The following PET117 variants were observed in gnomAD, a reference collection of about 807,000 sequenced individuals.
PET117 encodes the protein PET117 cytochrome c oxidase chaperone, also known as protein PET117 homolog, mitochondrial.
PET117 carries 10 observed loss-of-function variants against 9.2 expected under a neutral mutation model. The observed-to-expected ratio is 1.09, with a 90% CI of 0.67 to 1.85. The LOEUF (loss-of-function observed/expected upper bound fraction) is 1.85. Ranked by LOEUF, PET117 falls within the 40% of genes most tolerant of loss-of-function variation. PET117 has a pLI of 0.00. For missense variants in PET117, 96 were observed against 98.2 expected, an observed-to-expected ratio of 0.98 and a Z score of 0.09; for synonymous variants, 43 against 37.1, an observed-to-expected ratio of 1.16 and a Z score of -0.57.
At chr20:18,138,585 C>A in intron 1 of PET117, 1 of 423,396 alleles carries the variant, frequency 2.4e-6, no homozygotes, top group Non-Finnish European at 3.2e-6. Context: ...CGTACTCACT[C>A]TCCATGCCTT....
intron 1 of PET117, chr20:18,138,320 G>A (rs1325548698): frequency 1.4e-4 from 167 of 1,153,156 alleles, no homozygotes; most frequent in Non-Finnish European, 1.7e-4. Flanking sequence ...CGCTGAAGGG[G>A]CCTTGCTCCG....
rs58888387 is a variant in PET117 at position 18,141,051 on chromosome 20, T to TTTTTTTTTTG, written c.97-1156_97-1155insTTTTTTTTGT. On this transcript the variant is annotated intron_variant, in intron 1 of 1. Coordinates refer to ENST00000432901, the MANE Select transcript of PET117 (RefSeq NM_001164811.2). ...TTTTTTTTTTTTTTTTTTTTTATTT[T>TTTTTTTTTTG]TATTTTTGCTAGAGATGGGATTTTG... Among the ~76,000 whole-genome samples, 59 of 109,696 alleles carry TTTTTTTTTTG rather than the reference T, an allele frequency of 5.4e-4. 1 individual carries two copies. Among genetic ancestry groups the TTTTTTTTTTG allele is most frequent in the African/African-American group, 1.1e-3 (31 of 27,906 alleles). 72.0% of individuals were successfully genotyped at this position (109,696 alleles called of 152,430 possible).
At chr20:18,139,634 GTGTGT>G in intron 1 of PET117, among the ~76,000 whole-genome samples, 2 of 6,342 alleles carry the variant, frequency 3.2e-4, no homozygotes. Flanking sequence ...CCAAAATAAC[GTGTGT>G]GTGTGTGTGT....
At position 18,142,415 on chromosome 20, in the gene PET117, G is replaced by A; in HGVS notation, c.*58G>A. 1.3e-6 allele frequency: 2 copies of A among 1,505,850 alleles called. No individual in the cohort carries two copies. Among genetic ancestry groups the A allele is most frequent in the Non-Finnish European group, 1.8e-6 (2 of 1,130,772 alleles). The allele number at this position is 1,505,850 out of a possible 1,614,324, so 93.3% of individuals were successfully genotyped here. A position where few individuals can be genotyped will look rare whatever the true frequency, so the allele number is the denominator to read the frequency against. On this transcript the variant is annotated 3_prime_UTR_variant, in exon 2 of 2. Coordinates refer to ENST00000432901, the MANE Select transcript of PET117 (RefSeq NM_001164811.2). ...ACGAGTTTGTGTGTGTGTGTTGATG[G>A]AGAGTAGCTTAGTAGTATCTTCATC...
rs144434635 is a variant in PET117, at chr20:18,141,193, T to G, written c.97-1015T>G. 2.6e-5 allele frequency among the ~76,000 whole-genome samples: 4 copies of G among 151,892 alleles called. No homozygotes were observed. The East Asian group carries it at 7.8e-4, about 29-fold the overall frequency. ...AGCCACCACGCCTGGCCTAAAACCTTTAGAGTATTTTGTGAGCAATAAACT... is the reference window on the plus strand; with the variant it reads ...AGCCACCACGCCTGGCCTAAAACCTGTAGAGTATTTTGTGAGCAATAAACT... On this transcript the variant is annotated intron_variant, in intron 1 of 1. Transcript: ENST00000432901.
At chr20:18,138,122 G>T (rs990168700) in intron 1 of PET117, 71 bp downstream of exon 1, 6 of 1,391,832 alleles carry the variant, frequency 4.3e-6, no homozygotes, top group African/African-American at 1.5e-5. Flanking sequence ...CGTGGTCTCT[G>T]CCCGCTCGGT....
Position 18,142,366 on chromosome 20 carries a change from TG to T in PET117, c.*10del, listed in dbSNP as rs1600214121. ...GATCTCAAAAATCATGACTTGAATG[TG>T]AAATATCTGTTGGACAGACAACACG... On this transcript the variant is annotated 3_prime_UTR_variant, in exon 2 of 2. Transcript: ENST00000432901. The T allele has an allele frequency of 6.5e-6, 10 of 1,535,172 alleles. 1 individual carries two copies. The East Asian group carries it at 2.4e-4, about 38-fold the overall frequency.
intron 1 of PET117, chr20:18,138,549 C>T: frequency 1.3e-6 from 1 of 798,578 alleles, no homozygotes; most frequent in Non-Finnish European, 1.5e-6. Flanking sequence ...TTGATTTTAT[C>T]CCATGGTAAG....
Position 18,137,970 on chromosome 20 carries a change from G to A in PET117, c.15G>A (p.Ser5=). MSRS[S]KVVLGLSVLL... ...CCAGCGTGGGGATGTCTAGGAGCTC[G>A]AAGGTGGTGCTGGGCCTCTCGGTGC... Residue 5 remains serine, a synonymous_variant, in exon 1 of 2, where the codon TCG becomes TCA. Coordinates refer to ENST00000432901, the MANE Select transcript of PET117 (RefSeq NM_001164811.2). The A allele has an allele frequency of 6.7e-7, 1 of 1,499,886 alleles. No homozygotes were observed. The highest frequency in any genetic ancestry group is 8.8e-7 in the Non-Finnish European group (1 of 1,131,544). 92.9% of individuals were successfully genotyped at this position (1,499,886 alleles called of 1,614,324 possible).
Position 18,137,937 on chromosome 20 carries a change from C to A in PET117, c.-19C>A. 4 of 1,478,260 alleles carry A rather than the reference C, an allele frequency of 2.7e-6. No individual in the cohort carries two copies. Among genetic ancestry groups the A allele is most frequent in the South Asian group, 1.3e-5 (1 of 78,500 alleles). 91.6% of individuals were successfully genotyped at this position (1,478,260 alleles called of 1,614,324 possible). A position where few individuals can be genotyped will look rare whatever the true frequency, so the allele number is the denominator to read the frequency against. Reference sequence around the variant, plus strand: ...CCTCGGGCGGGCGGGAGAGAGAGGCCGCGGCCGCCAGCGTGGGGATGTCTA... The same window carrying A: ...CCTCGGGCGGGCGGGAGAGAGAGGCAGCGGCCGCCAGCGTGGGGATGTCTA... On this transcript the variant is annotated 5_prime_UTR_variant, in exon 1 of 2. Transcript: ENST00000432901.
intron 1 of PET117, among the ~76,000 whole-genome samples, chr20:18,140,756 G>C (rs1233587694): frequency 7.0e-6 from 1 of 143,034 alleles, no homozygotes. Context: ...AGATTGCAGT[G>C]AGCTAAGATC....
At chr20:18,138,731 C>T (rs961518013) in intron 1 of PET117, among the ~76,000 whole-genome samples, 4 of 152,066 alleles carry the variant, frequency 2.6e-5, no homozygotes, top group Admixed American at 1.3e-4. Context: ...AGGAAATATC[C>T]GTGACCTGCT....
At chr20:18,141,023 A>ATTTTT (rs67633205) in intron 1 of PET117, among the ~76,000 whole-genome samples, 654 of 48,394 alleles carry the variant, frequency 0.014, 6 homozygotes, top group African/African-American at 0.025. Flanking sequence ...ACTCCCTGCA[A>ATTTTT]TTTTTTTTTT....
chr20:18,138,569 C>G, intron 1 of PET117: 1 of 548,312 alleles, frequency 1.8e-6, no homozygotes, highest in Non-Finnish European at 2.3e-6. Flanking sequence ...GGGAGCCCCC[C>G]TTCCCCGTAC....
At position 18,137,942 on chromosome 20, in the gene PET117, C is replaced by T; in HGVS notation, c.-14C>T. 6.8e-7 allele frequency: 1 copy of T among 1,479,000 alleles called. No individual in the cohort carries two copies. The highest frequency in any genetic ancestry group is 1.3e-5 in the South Asian group (1 of 78,704). 91.6% of individuals were successfully genotyped at this position (1,479,000 alleles called of 1,614,324 possible). On this transcript the variant is annotated 5_prime_UTR_variant, in exon 1 of 2. Transcript: ENST00000432901. ...GGCGGGCGGGAGAGAGAGGCCGCGG[C>T]CGCCAGCGTGGGGATGTCTAGGAGC...
chr20:18,139,998 A>G (rs1412763522), intron 1 of PET117, among the ~76,000 whole-genome samples: 2 of 152,196 alleles, frequency 1.3e-5, no homozygotes, highest in African/African-American at 4.8e-5. Context: ...TTAGAAAGGT[A>G]GTTCAGTGAG....
chr20:18,142,315 AAG>A lies in PET117; in HGVS notation c.210_211del (p.Lys71AspfsTer13). ...IILTEQLEAEREKMLLAKGSQ... is the reference protein window; with the variant it reads ...IILTEQLEAEXEKMLLAKGSQ... Reference sequence around the variant, plus strand: ...TTTTGACTGAGCAACTTGAAGCAGAAAGAGAGAAGATGTTATTGGCAAAAGGA... The same window carrying A: ...TTTTGACTGAGCAACTTGAAGCAGAAAGAGAAGATGTTATTGGCAAAAGGA... On this transcript the variant is annotated frameshift_variant, in exon 2 of 2. Transcript: ENST00000432901. LOFTEE classifies it high-confidence loss of function. 1 of 1,537,058 alleles carries A rather than the reference AAG, an allele frequency of 6.5e-7. No homozygotes were observed. The highest frequency in any genetic ancestry group is 8.7e-7 in the Non-Finnish European group (1 of 1,146,832).
chr20:18,140,578 G>A (rs2037495602), intron 1 of PET117, among the ~76,000 whole-genome samples: 1 of 151,946 alleles, frequency 6.6e-6, no homozygotes, highest in South Asian at 2.1e-4. Context: ...GGGAGGCTGA[G>A]GCAGGCAGAT....
rs1480132417 is a variant in PET117 at position 18,143,010 on chromosome 20, C to A, written c.*653C>A. 4 of 1,498,854 alleles carry A rather than the reference C, an allele frequency of 2.7e-6. No homozygotes were observed. Among genetic ancestry groups the A allele is most frequent in the Middle Eastern group, 1.8e-4 (1 of 5,692 alleles). The allele number at this position is 1,498,854 out of a possible 1,614,324, so 92.8% of individuals were successfully genotyped here. On this transcript the variant is annotated 3_prime_UTR_variant, in exon 2 of 2. Coordinates refer to ENST00000432901, the MANE Select transcript of PET117 (RefSeq NM_001164811.2). ...GAAAGAAACGTGAATGTAAAAGAGACCTAAATAAAAGGATAATTATATTTA... is the reference window on the plus strand; with the variant it reads ...GAAAGAAACGTGAATGTAAAAGAGAACTAAATAAAAGGATAATTATATTTA...
Sources: gnomAD v4.1 joint callset for allele counts (sites outside exome capture counted in the v4.1 genomes callset) on GRCh38, gnomAD v4.1.1 for gene constraint, MANE v1.5 for transcripts, NCBI Gene and HGNC (gene_info 2026-07-23, HGNC 2026-07-21) for gene names.